Variants in DDAH1 observed in about 807,000 individuals in gnomAD.
DDAH1 encodes the protein N(G),N(G)-dimethylarginine dimethylaminohydrolase 1.
In DDAH1, 19 loss-of-function variants were observed where a neutral mutation model predicts 28.8. The observed-to-expected ratio is 0.66, with a 90% CI of 0.46 to 0.97. DDAH1 has a LOEUF of 0.97. DDAH1 is among the 50% of genes least tolerant of loss of function. DDAH1 has a pLI of 0.00. For missense variants in DDAH1, 326 were observed against 375.9 expected (o/e 0.87, Z 1.10); for synonymous variants, 153 against 154.4 (o/e 0.99, Z 0.07).
chr1:85,418,471 C>G (rs1234252439), intron 1 of DDAH1, among the ~76,000 whole-genome samples: 1 of 152,110 alleles, frequency 6.6e-6, no homozygotes, highest in Non-Finnish European at 1.5e-5. Context: ...GGTAAAAGAC[C>G]ATGAATTTGG....
chr1:85,386,012 A>G (rs1343977528), intron 1 of DDAH1, among the ~76,000 whole-genome samples: 2 of 152,142 alleles, frequency 1.3e-5, no homozygotes, highest in African/African-American at 4.8e-5. Flanking sequence ...CTCACCCATT[A>G]CCAGGAGGAT....
At chr1:85,329,738 C>T (rs1233421498) in intron 4 of DDAH1, among the ~76,000 whole-genome samples, 5 of 152,176 alleles carry the variant, frequency 3.3e-5, no homozygotes, top group Admixed American at 6.5e-5. Flanking sequence ...CAAGACTCCA[C>T]GGTTATCATT....
chr1:85,436,106 T>A (rs1042588005), intron 1 of DDAH1, among the ~76,000 whole-genome samples: 5 of 152,108 alleles, frequency 3.3e-5, no homozygotes, highest in Admixed American at 2.6e-4. Flanking sequence ...CAGCCACTTA[T>A]ATCTGTTTTA....
intron 1 of DDAH1, among the ~76,000 whole-genome samples, chr1:85,444,066 T>TGA (rs1306128743): frequency 6.6e-6 from 1 of 152,194 alleles, no homozygotes; most frequent in Non-Finnish European, 1.5e-5. Context: ...ACAGGAGTAG[T>TGA]GAGAGAGAGC....
intron 1 of DDAH1, among the ~76,000 whole-genome samples, chr1:85,439,227 T>C (rs111864599): frequency 1.3e-5 from 2 of 152,362 alleles, no homozygotes; most frequent in East Asian, 1.9e-4. Context: ...AGCATCCTTC[T>C]GTAAAGACAA....
intron 1 of DDAH1, among the ~76,000 whole-genome samples, chr1:85,564,619 G>C (rs1240735720): frequency 6.6e-6 from 1 of 152,136 alleles, no homozygotes; most frequent in African/African-American, 2.4e-5. Flanking sequence ...TGTAATCCTA[G>C]CACTTTGGGA....
intron 1 of DDAH1, among the ~76,000 whole-genome samples, chr1:85,567,880 T>C (rs1659349876): frequency 6.6e-6 from 1 of 152,214 alleles, no homozygotes; most frequent in East Asian, 1.9e-4. Flanking sequence ...TATGGATCAC[T>C]CCACCCACAA....
intron 1 of DDAH1, among the ~76,000 whole-genome samples, chr1:85,504,713 C>G (rs886142710): frequency 6.6e-6 from 1 of 152,054 alleles, no homozygotes; most frequent in Non-Finnish European, 1.5e-5. Flanking sequence ...GGTGACTTGC[C>G]CACTGTTACA....
intron 1 of DDAH1, among the ~76,000 whole-genome samples, chr1:85,422,821 C>T (rs1483950982): frequency 1.3e-5 from 2 of 152,178 alleles, no homozygotes; most frequent in Non-Finnish European, 2.9e-5. Context: ...AGACTCCAAA[C>T]GGCTTGCTTG....
intron 1 of DDAH1, among the ~76,000 whole-genome samples, chr1:85,381,283 TTTTTTTG>T (rs533356928): frequency 5.3e-5 from 8 of 151,752 alleles, no homozygotes; most frequent in South Asian, 2.1e-4. Flanking sequence ...TTGGCAAGTG[TTTTTTTG>T]TTTTTTGTTT....
At chr1:85,362,616 G>A (rs1649852112) in intron 1 of DDAH1, among the ~76,000 whole-genome samples, 2 of 152,060 alleles carry the variant, frequency 1.3e-5, no homozygotes, top group Non-Finnish European at 2.9e-5. Context: ...TCACTTATTA[G>A]CAATGTGACT....
chr1:85,398,134 A>ATAGACAAAG (rs1396464185), intron 1 of DDAH1, among the ~76,000 whole-genome samples: 1 of 152,132 alleles, frequency 6.6e-6, no homozygotes, highest in African/African-American at 2.4e-5. Flanking sequence ...CTAGATAACC[A>ATAGACAAAG]TAGACAAAGT....
rs1173490988 is a variant in DDAH1 at position 85,381,096 on chromosome 1, G to A, written c.304-22249C>T. Among the ~76,000 whole-genome samples, 5 of 151,686 alleles carry A rather than the reference G, an allele frequency of 3.3e-5. No homozygotes were observed. In the East Asian group the frequency reaches 9.7e-4, roughly 29 times the overall value. On this transcript the variant is annotated intron_variant, in intron 1 of 5. Coordinates refer to ENST00000284031, the MANE Select transcript of DDAH1 (RefSeq NM_012137.4). Reference sequence around the variant, plus strand: ...TACTAAAAAATACAAAAATTAGCCGGGCGTGGTGGTGGGCGCCTGTAATCC... The same window carrying A: ...TACTAAAAAATACAAAAATTAGCCGAGCGTGGTGGTGGGCGCCTGTAATCC...
At chr1:85,570,516 A>AC (rs1659424113) in intron 1 of DDAH1, among the ~76,000 whole-genome samples, 1 of 152,168 alleles carries the variant, frequency 6.6e-6, no homozygotes, top group Admixed American at 6.5e-5. Flanking sequence ...GCAACTCCCA[A>AC]CCATTTTTTA....
At chr1:85,520,073 T>A (rs1657628127) in intron 1 of DDAH1, among the ~76,000 whole-genome samples, 1 of 152,096 alleles carries the variant, frequency 6.6e-6, no homozygotes, top group Non-Finnish European at 1.5e-5. Flanking sequence ...CAGTACCCAA[T>A]GTGTAGTCTT....
At chr1:85,395,987 T>C (rs1651796919) in intron 1 of DDAH1, among the ~76,000 whole-genome samples, 1 of 152,236 alleles carries the variant, frequency 6.6e-6, no homozygotes, top group South Asian at 2.1e-4. Flanking sequence ...CTTCATGTTT[T>C]CTTTCTTAGG....
At chr1:85,551,365 G>T (rs1658784859) in intron 1 of DDAH1, among the ~76,000 whole-genome samples, 1 of 152,174 alleles carries the variant, frequency 6.6e-6, no homozygotes, top group South Asian at 2.1e-4. Flanking sequence ...GGTTTTCACT[G>T]GCTAATTTCC....
At chr1:85,432,082 T>C (rs1653710883) in intron 1 of DDAH1, among the ~76,000 whole-genome samples, 1 of 152,232 alleles carries the variant, frequency 6.6e-6, no homozygotes, top group South Asian at 2.1e-4. Flanking sequence ...TTTGCAGAGT[T>C]AGAAAGTTGT....
intron 1 of DDAH1, among the ~76,000 whole-genome samples, chr1:85,526,562 A>G (rs1312346431): frequency 6.6e-6 from 1 of 151,834 alleles, no homozygotes; most frequent in African/African-American, 2.4e-5. Flanking sequence ...GAGACCTTGC[A>G]CTAGGGTTTT....
Sources: gnomAD v4.1 joint callset for allele counts (sites outside exome capture counted in the v4.1 genomes callset) on GRCh38, gnomAD v4.1.1 for gene constraint, MANE v1.5 for transcripts, NCBI Gene and HGNC (gene_info 2026-07-23, HGNC 2026-07-21) for gene names.